NETO1: variants seen among roughly 807,000 people sequenced by gnomAD.
NETO1 encodes neuropilin and tolloid like 1.
In NETO1, 26 loss-of-function variants were observed where a neutral mutation model predicts 61.3. The observed-to-expected ratio is 0.42, with a 90% CI of 0.31 to 0.59. The LOEUF (loss-of-function observed/expected upper bound fraction) is 0.59, where lower values mean the gene tolerates loss of function less well. Among genes scored for constraint, NETO1 ranks in the 20% least tolerant of loss-of-function variants. The pLI is 0.12. For missense variants in NETO1, 531 were observed against 662.8 expected (o/e 0.80, Z 2.18); for synonymous variants, 225 against 225.8 (o/e 1.00, Z 0.03).
At chr18:72,769,354 G>C (rs1380778305) in intron 7 of NETO1, among the ~76,000 whole-genome samples, 1 of 152,100 alleles carries the variant, frequency 6.6e-6, no homozygotes, top group Non-Finnish European at 1.5e-5. Context: ...TTACAGAGCA[G>C]AGTTATTATT....
chr18:72,848,029 CTT>C (rs2145551841), intron 4 of NETO1, among the ~76,000 whole-genome samples: 1 of 152,298 alleles, frequency 6.6e-6, no homozygotes, highest in South Asian at 2.1e-4. Context: ...TAATTTGAGT[CTT>C]TTTCACATTG....
At chr18:72,821,417 A>AG (rs2073193755) in intron 4 of NETO1, among the ~76,000 whole-genome samples, 1 of 150,868 alleles carries the variant, frequency 6.6e-6, no homozygotes, top group African/African-American at 2.4e-5. Context: ...GAAAAAAAAA[A>AG]TAGCCAGGCG....
chr18:72,778,083 C>A (rs937387589), intron 7 of NETO1, among the ~76,000 whole-genome samples: 2 of 152,180 alleles, frequency 1.3e-5, no homozygotes, highest in African/African-American at 4.8e-5. Flanking sequence ...AAGACTACTG[C>A]CAGAAAGTGC....
intron 4 of NETO1, among the ~76,000 whole-genome samples, chr18:72,807,363 C>T (rs1411296385): frequency 2.6e-5 from 4 of 151,820 alleles, no homozygotes; most frequent in Admixed American, 2.6e-4. Flanking sequence ...ATTTTCAAGC[C>T]CTTTAAAATA....
chr18:72,829,743 G>A (rs1313773316), intron 4 of NETO1, among the ~76,000 whole-genome samples: 1 of 152,152 alleles, frequency 6.6e-6, no homozygotes, highest in South Asian at 2.1e-4. Flanking sequence ...TATTTTGGGG[G>A]CACCTCTTAA....
intron 4 of NETO1, among the ~76,000 whole-genome samples, chr18:72,849,775 T>C (rs559121335): frequency 6.6e-6 from 1 of 152,306 alleles, no homozygotes; most frequent in Admixed American, 6.5e-5. Context: ...GGCCTAAAAA[T>C]CAAGGCATTT....
At chr18:72,848,481 A>C (rs2074155286) in intron 4 of NETO1, among the ~76,000 whole-genome samples, 1 of 152,214 alleles carries the variant, frequency 6.6e-6, no homozygotes, top group Non-Finnish European at 1.5e-5. Context: ...AAATTCAAGA[A>C]ATATGTTACC....
intron 4 of NETO1, among the ~76,000 whole-genome samples, chr18:72,816,193 A>T (rs1378284529): frequency 1.3e-5 from 2 of 151,948 alleles, no homozygotes; most frequent in African/African-American, 4.8e-5. Context: ...GTGTGGCCTT[A>T]AGAGGAAGAT....
At position 72,756,661 on chromosome 18, in the gene NETO1, AAATT is replaced by A. The variant is rs1349690776; in HGVS notation, c.869-518_869-515del. 8.5e-5 allele frequency among the ~76,000 whole-genome samples: 13 copies of A among 152,166 alleles called. 1 individual carries two copies. The highest frequency in any genetic ancestry group is 6.5e-4 in the Admixed American group (10 of 15,274). ...GCCATGGAAATTCAGAATCATGAAAAAATTAATCCTGAACAACATAAAAAATATA... is the reference window on the plus strand; with the variant it reads ...GCCATGGAAATTCAGAATCATGAAAAAATCCTGAACAACATAAAAAATATA... On this transcript the variant is annotated intron_variant, in intron 7 of 10. Coordinates refer to ENST00000327305, the MANE Select transcript of NETO1 (RefSeq NM_138966.5).
intron 4 of NETO1, among the ~76,000 whole-genome samples, chr18:72,852,193 T>C (rs6566675): frequency 0.43 from 65,313 of 152,072 alleles, 14,472 homozygotes; most frequent in Admixed American, 0.5. Flanking sequence ...GAAGACACCT[T>C]TCTTCCTTTT....
chr18:72,865,492 C>CAATTTA lies in NETO1; in HGVS notation c.29-252_29-251insTAAATT. On this transcript the variant is annotated intron_variant, in intron 1 of 10. Coordinates refer to ENST00000327305, the MANE Select transcript of NETO1 (RefSeq NM_138966.5). ...AAACTCCTAAGGCAAATACATCATT[C>CAATTTA]ACTCTAAAGGCAACATGTCAATTTA... 4 of 1,489,826 alleles carry CAATTTA rather than the reference C, an allele frequency of 2.7e-6. No homozygotes were observed. In the Admixed American group the frequency reaches 7.6e-5, roughly 28 times the overall value. The allele number at this position is 1,489,826 out of a possible 1,614,324, so 92.3% of individuals were successfully genotyped here.
intron 4 of NETO1, among the ~76,000 whole-genome samples, chr18:72,831,852 A>T (rs2073590694): frequency 6.6e-6 from 1 of 151,590 alleles, no homozygotes; most frequent in South Asian, 2.1e-4. Flanking sequence ...GTCTTTGGGT[A>T]TTGTAGTCAT....
At position 72,837,431 on chromosome 18, in the gene NETO1, C is replaced by T. The variant is rs115662154; in HGVS notation, c.469+21395G>A. On this transcript the variant is annotated intron_variant, in intron 4 of 10. Transcript: ENST00000327305. The stretch of plus-strand genomic sequence containing the variant: ...TGAGTCAAAGTATTATTCTTCCTTA[C>T]GGTGACAATATCTGTGACTAAACCT... 3.1e-3 allele frequency among the ~76,000 whole-genome samples: 467 copies of T among 152,226 alleles called. 2 individuals are homozygous for T. Among genetic ancestry groups the T allele is most frequent in the African/African-American group, 0.01 (431 of 41,546 alleles).
At chr18:72,821,022 G>A (rs982339525) in intron 4 of NETO1, among the ~76,000 whole-genome samples, 2 of 151,966 alleles carry the variant, frequency 1.3e-5, no homozygotes, top group African/African-American at 2.4e-5. Flanking sequence ...CTCCTAATTA[G>A]AACCTTGAAT....
chr18:72,825,549 T>A (rs1370313165), intron 4 of NETO1, among the ~76,000 whole-genome samples: 1 of 152,138 alleles, frequency 6.6e-6, no homozygotes, highest in Non-Finnish European at 1.5e-5. Flanking sequence ...TTTCTGCTTT[T>A]ATCTTTATAT....
intron 4 of NETO1, among the ~76,000 whole-genome samples, chr18:72,854,224 A>T (rs2074347107): frequency 6.6e-6 from 1 of 152,192 alleles, no homozygotes; most frequent in Non-Finnish European, 1.5e-5. Flanking sequence ...GGTGCTATTT[A>T]AGTACAAAAT....
At chr18:72,775,782 G>A (rs1354157577) in intron 7 of NETO1, among the ~76,000 whole-genome samples, 1 of 152,144 alleles carries the variant, frequency 6.6e-6, no homozygotes, top group Non-Finnish European at 1.5e-5. Flanking sequence ...TCTTGCCTCA[G>A]TTCTGTTAAC....
intron 4 of NETO1, among the ~76,000 whole-genome samples, chr18:72,803,485 G>A (rs7240422): frequency 0.3 from 45,315 of 152,032 alleles, 8,232 homozygotes; most frequent in Admixed American, 0.39. Flanking sequence ...TTGAGCTTTG[G>A]TGTAGTACAA....
chr18:72,773,652 A>C (rs991103613), intron 7 of NETO1, among the ~76,000 whole-genome samples: 1 of 152,130 alleles, frequency 6.6e-6, no homozygotes, highest in Non-Finnish European at 1.5e-5. Flanking sequence ...TAGGCGTCTC[A>C]CAATTATTCT....
Sources: allele counts gnomAD v4.1 joint callset (sites outside exome capture counted in the v4.1 genomes callset), GRCh38; gene constraint gnomAD v4.1.1; transcripts MANE v1.5; gene names NCBI Gene and HGNC (gene_info 2026-07-23, HGNC 2026-07-21).